Variants in SEC63 observed in about 807,000 individuals in gnomAD.
SEC63 encodes SEC63 protein translocation regulator, also known as translocation protein SEC63 homolog.
Under a neutral mutation model 116.2 loss-of-function variants are expected in SEC63, and 56 were observed. That is an observed-to-expected ratio of 0.48 (90% CI 0.39 to 0.60). The LOEUF (loss-of-function observed/expected upper bound fraction) is 0.60. Ranked by LOEUF, SEC63 falls within the 20% of genes least tolerant of loss-of-function variation. SEC63 has a pLI of 0.00. For missense variants in SEC63, 668 were observed against 900.0 expected, an observed-to-expected ratio of 0.74 and a Z score of 3.30; for synonymous variants, 273 against 294.6, an observed-to-expected ratio of 0.93 and a Z score of 0.75.
At chr6:107,942,340 T>G (rs1302738912) in intron 1 of SEC63, among the ~76,000 whole-genome samples, 1 of 152,218 alleles carries the variant, frequency 6.6e-6, no homozygotes, top group Non-Finnish European at 1.5e-5. Flanking sequence ...ATTTGATTCC[T>G]CTGTACTGAA....
Position 107,935,958 on chromosome 6 carries a change from G to C in SEC63, c.125-6444C>G, listed in dbSNP as rs1359275023. On this transcript the variant is annotated intron_variant, in intron 1 of 20. Transcript: ENST00000369002. ...TTAATTTTCTGATTTTCATGGTTTA[G>C]AGAACACTTTTGAAAATACCACTAG... Among the ~76,000 whole-genome samples, 3 of 152,300 alleles carry C rather than the reference G, an allele frequency of 2.0e-5. No individual in the cohort carries two copies. The East Asian group carries it at 5.8e-4, about 29-fold the overall frequency.
At chr6:107,920,591 C>T (rs1787533686) in intron 4 of SEC63, among the ~76,000 whole-genome samples, 1 of 152,120 alleles carries the variant, frequency 6.6e-6, no homozygotes, top group African/African-American at 2.4e-5. Flanking sequence ...CCTATAGTAT[C>T]TCCAAAGTAT....
At chr6:107,938,805 T>A (rs985160307) in intron 1 of SEC63, among the ~76,000 whole-genome samples, 1 of 151,114 alleles carries the variant, frequency 6.6e-6, no homozygotes. Flanking sequence ...TCCACCCACC[T>A]TGGCCTCCCA....
intron 20 of SEC63, 71 bp downstream of exon 20, chr6:107,872,737 A>G: frequency 1.1e-6 from 1 of 932,106 alleles, no homozygotes; most frequent in South Asian, 1.4e-5. Flanking sequence ...TTTCAAAACT[A>G]GAAATGTTTT....
chr6:107,886,987 G>C (rs1342344548), intron 16 of SEC63, among the ~76,000 whole-genome samples: 1 of 151,856 alleles, frequency 6.6e-6, no homozygotes, highest in Non-Finnish European at 1.5e-5. Context: ...GTATTGCCTA[G>C]GTTTTCTTCT....
chr6:107,907,401 G>A (rs1787170391), intron 8 of SEC63, among the ~76,000 whole-genome samples: 1 of 152,040 alleles, frequency 6.6e-6, no homozygotes, highest in Admixed American at 6.6e-5. Context: ...GGCCAAAATG[G>A]TGAAACCCCA....
At chr6:107,892,243 C>G (rs1207515725) in intron 16 of SEC63, among the ~76,000 whole-genome samples, 1 of 152,096 alleles carries the variant, frequency 6.6e-6, no homozygotes, top group Non-Finnish European at 1.5e-5. Flanking sequence ...CAGAGATGCC[C>G]TGCCCAGAGA....
intron 3 of SEC63, among the ~76,000 whole-genome samples, chr6:107,923,773 G>C (rs1015559851): frequency 2.0e-5 from 3 of 149,786 alleles, no homozygotes; most frequent in Non-Finnish European, 1.5e-5. Flanking sequence ...TCCCACCTTA[G>C]CTTCCCAAAG....
In SEC63 at chr6:107,908,937, C is replaced by A. The variant is rs780837243; in HGVS notation, c.723G>T (p.Met241Ile). The change falls in exon 8 of 21, where the codon ATG (methionine) becomes ATT (isoleucine). Residue 241 changes from methionine (M) to isoleucine (I), a missense_variant. Transcript: ENST00000369002. Reference protein sequence around the residue: ...YTYFVYKTRNMDMKRLIMVLA... With the variant: ...YTYFVYKTRNIDMKRLIMVLA... ...TTAAAGTTTACTTACGTTTCATATC[C>A]ATATTTCGGGTTTTATAAACAAAGT... 3 of 1,595,000 alleles carry A rather than the reference C, an allele frequency of 1.9e-6. No individual in the cohort carries two copies. The highest frequency in any genetic ancestry group is 1.1e-5 in the South Asian group (1 of 90,568).
intron 4 of SEC63, among the ~76,000 whole-genome samples, chr6:107,919,506 G>GT (rs1787496400): frequency 6.6e-6 from 1 of 152,154 alleles, no homozygotes; most frequent in African/African-American, 2.4e-5. Context: ...GTGGCAGAAT[G>GT]TGAGAGGATT....
chr6:107,953,607 C>T lies in SEC63; in HGVS notation c.124+4279G>A, dbSNP rs560954184. 3.4e-5 allele frequency among the ~76,000 whole-genome samples: 5 copies of T among 145,016 alleles called. No homozygotes were observed. In the South Asian group the frequency reaches 1.1e-3, roughly 32 times the overall value. On this transcript the variant is annotated intron_variant, in intron 1 of 20. Transcript: ENST00000369002. ...CCCCCGCCCGGCCAGCCGCCCCGTC[C>T]GGGAGGTGAGGGGCGCCTCTGCCCG...
chr6:107,888,782 G>T (rs1005580647), intron 16 of SEC63, among the ~76,000 whole-genome samples: 3 of 152,116 alleles, frequency 2.0e-5, no homozygotes, highest in Admixed American at 6.5e-5. Context: ...CTAGTTTATT[G>T]AGAGTTTTTA....
At position 107,870,768 on chromosome 6, in the gene SEC63, G is replaced by A. The variant is rs141309531; in HGVS notation, c.*936C>T. ...GACACACACCATTGAAACATAAAAC[G>A]AGTCAACAAACTTCTATTTTTATTG... On this transcript the variant is annotated 3_prime_UTR_variant, in exon 21 of 21. Coordinates refer to ENST00000369002, the MANE Select transcript of SEC63 (RefSeq NM_007214.5). 4.7e-4 allele frequency: 71 copies of A among 152,094 alleles called. No homozygotes were observed. Among genetic ancestry groups the A allele is most frequent in the African/African-American group, 1.6e-3 (65 of 41,504 alleles). 9.4% of individuals were successfully genotyped at this position (152,094 alleles called of 1,614,324 possible).
intron 19 of SEC63, among the ~76,000 whole-genome samples, chr6:107,873,853 A>G (rs967570015): frequency 2.6e-5 from 4 of 152,210 alleles, no homozygotes; most frequent in Non-Finnish European, 5.9e-5. Flanking sequence ...TCACAAACAG[A>G]CACATTAAAA....
chr6:107,870,990 G>A lies in SEC63; in HGVS notation c.*714C>T, dbSNP rs1424031192. 1 of 152,678 alleles carries A rather than the reference G, an allele frequency of 6.5e-6. No homozygotes were observed. Among genetic ancestry groups the A allele is most frequent in the Non-Finnish European group, 1.5e-5 (1 of 68,106 alleles). The allele number at this position is 152,678 out of a possible 1,614,324, so 9.5% of individuals were successfully genotyped here. ...ATACAGTCCCACTATCACTTTTAGA[G>A]CTAGAACTTATCAAAAGAATTAGAT... On this transcript the variant is annotated 3_prime_UTR_variant, in exon 21 of 21. Coordinates refer to ENST00000369002, the MANE Select transcript of SEC63 (RefSeq NM_007214.5).
chr6:107,872,693 T>G (rs1435104411), intron 20 of SEC63, 115 bp downstream of exon 20: 44 of 690,436 alleles, frequency 6.4e-5, no homozygotes, highest in Middle Eastern at 4.0e-4. Context: ...ATATAAAGCA[T>G]GAGATGACTT....
intron 13 of SEC63, among the ~76,000 whole-genome samples, chr6:107,900,067 G>A (rs1786963861): frequency 6.6e-6 from 1 of 152,114 alleles, no homozygotes; most frequent in African/African-American, 2.4e-5. Context: ...AGCACCTAGA[G>A]GAGTGCACAG....
At chr6:107,890,099 G>A (rs953012478) in intron 16 of SEC63, among the ~76,000 whole-genome samples, 5 of 152,130 alleles carry the variant, frequency 3.3e-5, no homozygotes, top group South Asian at 4.1e-4. Context: ...TATTAGGTCC[G>A]CTTGGTCCAG....
chr6:107,952,836 T>C (rs567542736), intron 1 of SEC63, among the ~76,000 whole-genome samples: 3 of 152,238 alleles, frequency 2.0e-5, no homozygotes, highest in African/African-American at 7.2e-5. Flanking sequence ...CATGCTTTCA[T>C]GCACATGCTA....
Sources: gnomAD v4.1 joint callset for allele counts (sites outside exome capture counted in the v4.1 genomes callset) on GRCh38, gnomAD v4.1.1 for gene constraint, MANE v1.5 for transcripts, NCBI Gene and HGNC (gene_info 2026-07-23, HGNC 2026-07-21) for gene names.